Variants in MAGEA8 observed in about 807,000 individuals in gnomAD.
The protein encoded by MAGEA8 is melanoma-associated antigen 8.
For missense variants in MAGEA8, 229 were observed against 251.1 expected, an observed-to-expected ratio of 0.91 and a Z score of 0.59; for synonymous variants, 104 against 102.6, an observed-to-expected ratio of 1.01 and a Z score of -0.08.
At chrX:149,884,017 C>A (rs782679927) in intron 1 of MAGEA8, 56 bp from the exon 2 acceptor site, 10 of 364,400 alleles carry the variant, frequency 2.7e-5, no homozygotes, top group African/African-American at 5.1e-5. Flanking sequence ...AGTCCTGGAG[C>A]CTTGGCCTTT....
At position 149,884,335 on chromosome X, in the gene MAGEA8, G is replaced by A; in HGVS notation, c.63G>A (p.Glu21=). The change falls in exon 3 of 3, where the codon GAG becomes GAA. Residue 21 remains glutamate, a synonymous_variant. Coordinates refer to ENST00000286482, the MANE Select transcript of MAGEA8 (RefSeq NM_005364.5). ...KAEEGLQAQG[E]APGLMDVQIP... is the part of the protein sequence containing the mutation. Reference sequence around the variant, plus strand: ...AGGAAGGCCTTCAGGCCCAAGGAGAGGCACCAGGGCTTATGGATGTGCAGA... The same window carrying A: ...AGGAAGGCCTTCAGGCCCAAGGAGAAGCACCAGGGCTTATGGATGTGCAGA... The A allele has an allele frequency of 1.7e-6, 2 of 1,208,208 alleles. No individual in the cohort carries two copies. The highest frequency in any genetic ancestry group is 1.1e-6 in the Non-Finnish European group (1 of 893,589).
chrX:149,884,414 G>A lies in MAGEA8; in HGVS notation c.142G>A (p.Gly48Arg). 8.3e-7 allele frequency: 1 copy of A among 1,210,996 alleles called. No homozygotes were observed. Among genetic ancestry groups the A allele is most frequent in the Non-Finnish European group, 1.1e-6 (1 of 894,924 alleles). ...AASSSSTLIM[G>R]TLEEVTDSGS... The stretch of plus-strand genomic sequence containing the variant: ...ATCCTCCTCCTCTACTCTGATCATG[G>A]GAACCCTTGAGGAGGTGACTGATTC... The change falls in exon 3 of 3, where the codon GGA (glycine) becomes AGA (arginine). Residue 48 changes from glycine to arginine, a missense_variant. Gly to Arg is a moderately radical substitution (Grantham distance 125). Coordinates refer to ENST00000286482, the MANE Select transcript of MAGEA8 (RefSeq NM_005364.5).
In MAGEA8 at chrX:149,885,514, A is replaced by G; in HGVS notation, c.*285A>G. 2.9e-6 allele frequency: 1 copy of G among 341,212 alleles called. No individual in the cohort carries two copies. The highest frequency in any genetic ancestry group is 5.2e-5 in the Admixed American group (1 of 19,219). 28.1% of individuals were successfully genotyped at this position (341,212 alleles called of 1,213,427 possible). A position where few individuals can be genotyped will look rare whatever the true frequency, so the allele number is the denominator to read the frequency against. On this transcript the variant is annotated 3_prime_UTR_variant, in exon 3 of 3. Transcript: ENST00000286482. ...GTTCCTTCTAATGGATGGTGTAATG[A>G]ACTTCAACATTCATTTTATGTATGA...
chrX:149,884,952 C>A lies in MAGEA8; in HGVS notation c.680C>A (p.Ala227Glu), dbSNP rs782296415. The change falls in exon 3 of 3, where the codon GCG (alanine) becomes GAG (glutamate). Residue 227 changes from alanine to glutamate, a missense_variant. Physicochemically the swap from Ala to Glu is moderately radical, Grantham distance 107 (BLOSUM62 -1). Coordinates refer to ENST00000286482, the MANE Select transcript of MAGEA8 (RefSeq NM_005364.5). ...GCCCCGGAGGAGGCAATCTGGGAAGCGTTGAGTGTGATGGGGCTGTATGAT... is the reference window on the plus strand; with the variant it reads ...GCCCCGGAGGAGGCAATCTGGGAAGAGTTGAGTGTGATGGGGCTGTATGAT... ...SRAPEEAIWE[A>E]LSVMGLYDGR... 7.4e-6 allele frequency: 9 copies of A among 1,210,393 alleles called. No individual in the cohort carries two copies. The South Asian group carries it at 1.4e-4, about 19-fold the overall frequency.
Position 149,882,225 on chromosome X carries a change from G to A in MAGEA8, c.-126+940G>A, listed in dbSNP as rs926713448. Among the ~76,000 whole-genome samples, 8 of 110,983 alleles carry A rather than the reference G, an allele frequency of 7.2e-5. No individual in the cohort carries two copies. In the Admixed American group the frequency reaches 7.6e-4, roughly 10 times the overall value. ...AAGGGATGTGGCCCCCCCACTTTCT[G>A]GTAGGGGGCCTCAAGGAGATGGTGG... is the stretch of plus-strand genomic sequence containing the variant. On this transcript the variant is annotated intron_variant, in intron 1 of 2. Transcript: ENST00000286482.
Position 149,884,280 on chromosome X carries a change from T to C in MAGEA8, c.8T>C (p.Leu3Pro), listed in dbSNP as rs782294702. The C allele has an allele frequency of 8.4e-7, 1 of 1,191,372 alleles. No individual in the cohort carries two copies. Among genetic ancestry groups the C allele is most frequent in the East Asian group, 3.0e-5 (1 of 33,790 alleles). The change falls in exon 3 of 3, where the codon CTT becomes CCT. Residue 3 changes from leucine to proline, a missense_variant. Leu to Pro is a moderately conservative substitution (Grantham distance 98). Transcript: ENST00000286482. ...GCCCTGACCTGAGTCATCATGCTTC[T>C]TGGGCAGAAGAGTCAGCGCTACAAG... is the stretch of plus-strand genomic sequence containing the variant. MLLGQKSQRYKAE... is the reference protein window; with the variant it reads MLPGQKSQRYKAE...
rs1557371013 is a variant in MAGEA8, at chrX:149,884,980, G to A, written c.708G>A (p.Gly236=). 8.3e-7 allele frequency: 1 copy of A among 1,209,417 alleles called. No individual in the cohort carries two copies. Among genetic ancestry groups the A allele is most frequent in the Non-Finnish European group, 1.1e-6 (1 of 894,241 alleles). ...EALSVMGLYD[G]REHSVYWKLR... Reference sequence around the variant, plus strand: ...TGAGTGTGATGGGGCTGTATGATGGGAGGGAGCACAGTGTCTATTGGAAGC... The same window carrying A: ...TGAGTGTGATGGGGCTGTATGATGGAAGGGAGCACAGTGTCTATTGGAAGC... Residue 236 remains glycine, a synonymous_variant, in exon 3 of 3, where the codon GGG becomes GGA. Transcript: ENST00000286482.
intron 1 of MAGEA8, among the ~76,000 whole-genome samples, chrX:149,881,655 C>T (rs2090730185): frequency 9.8e-6 from 1 of 102,178 alleles, no homozygotes; most frequent in Admixed American, 1.0e-4. Flanking sequence ...GCATGGCGGC[C>T]GGGCATGGCG....
Position 149,884,454 on chromosome X carries a change from C to A in MAGEA8, c.182C>A (p.Pro61His). 8.3e-7 allele frequency: 1 copy of A among 1,211,287 alleles called. No homozygotes were observed. Among genetic ancestry groups the A allele is most frequent in the Non-Finnish European group, 1.1e-6 (1 of 895,181 alleles). Reference sequence around the variant, plus strand: ...GTGACTGATTCTGGGTCACCAAGTCCTCCCCAGAGTCCTGAGGGTGCCTCC... The same window carrying A: ...GTGACTGATTCTGGGTCACCAAGTCATCCCCAGAGTCCTGAGGGTGCCTCC... Reference protein sequence around the residue: ...EEVTDSGSPSPPQSPEGASSS... With the variant: ...EEVTDSGSPSHPQSPEGASSS... The change falls in exon 3 of 3, where the codon CCT becomes CAT. Residue 61 changes from proline (P) to histidine (H), a missense_variant. Pro to His is a moderately conservative substitution (Grantham distance 77, BLOSUM62 -2). Transcript: ENST00000286482.
At chrX:149,883,905 A>T in intron 1 of MAGEA8, 168 bp from the exon 2 acceptor site, 2 of 157,864 alleles carry the variant, frequency 1.3e-5, no homozygotes, top group Non-Finnish European at 1.2e-5. Flanking sequence ...CAGTAGTAGC[A>T]GTCAAGCTGA....
At position 149,884,443 on chromosome X, in the gene MAGEA8, G is replaced by A. The variant is rs2090748540; in HGVS notation, c.171G>A (p.Gly57=). ...MGTLEEVTDS[G]SPSPPQSPEG... ...CCCTTGAGGAGGTGACTGATTCTGGGTCACCAAGTCCTCCCCAGAGTCCTG... is the reference window on the plus strand; with the variant it reads ...CCCTTGAGGAGGTGACTGATTCTGGATCACCAAGTCCTCCCCAGAGTCCTG... The change falls in exon 3 of 3, where the codon GGG becomes GGA. Residue 57 remains glycine (G), a synonymous_variant. Coordinates refer to ENST00000286482, the MANE Select transcript of MAGEA8 (RefSeq NM_005364.5). 6.6e-6 allele frequency: 8 copies of A among 1,211,209 alleles called. 1 individual carries two copies. In the Middle Eastern group the frequency reaches 1.8e-3, roughly 280 times the overall value.
intron 1 of MAGEA8, among the ~76,000 whole-genome samples, chrX:149,882,078 G>A (rs1232177304): frequency 2.7e-5 from 3 of 110,803 alleles, no homozygotes; most frequent in African/African-American, 9.9e-5. Flanking sequence ...GAGGAGTGGA[G>A]TCTCAGATCA....
chrX:149,883,089 G>T (rs1557370715), intron 1 of MAGEA8: 2 of 112,076 alleles, frequency 1.8e-5, no homozygotes. Context: ...AAACAGATGG[G>T]GGCCCAACAG....
At chrX:149,881,605 G>GGCATGGCGGCCGGGCATGGCGGCCGA (rs2090728827) in intron 1 of MAGEA8, among the ~76,000 whole-genome samples, 1 of 69,771 alleles carries the variant, frequency 1.4e-5, no homozygotes, top group Non-Finnish European at 3.2e-5. Flanking sequence ...ATGGCGGCCG[G>GGCATGGCGGCCGGGCATGGCGGCCGA]GCATGGCGGC....
chrX:149,883,787 T>C (rs1452351621), intron 1 of MAGEA8: 1 of 115,268 alleles, frequency 8.7e-6, no homozygotes, highest in African/African-American at 3.2e-5. Flanking sequence ...GTGCTTGCAG[T>C]CTGCAGCCTG....
rs782489858 is a variant in MAGEA8, at chrX:149,885,445, C to T, written c.*216C>T. On this transcript the variant is annotated 3_prime_UTR_variant, in exon 3 of 3. Coordinates refer to ENST00000286482, the MANE Select transcript of MAGEA8 (RefSeq NM_005364.5). Reference sequence around the variant, plus strand: ...ATCTCTCAGTTCCTGTTCTATTGGGCGATTTGGAGGTTTATCTTTGTTTCC... The same window carrying T: ...ATCTCTCAGTTCCTGTTCTATTGGGTGATTTGGAGGTTTATCTTTGTTTCC... The T allele has an allele frequency of 1.7e-5, 6 of 360,268 alleles. No homozygotes were observed. The highest frequency in any genetic ancestry group is 1.1e-4 in the South Asian group (1 of 9,371). 29.7% of individuals were successfully genotyped at this position (360,268 alleles called of 1,213,427 possible).
chrX:149,884,840 G>T lies in MAGEA8; in HGVS notation c.568G>T (p.Asp190Tyr). 8.3e-7 allele frequency: 1 copy of T among 1,211,277 alleles called. No homozygotes were observed. Among genetic ancestry groups the T allele is most frequent in the South Asian group, 1.8e-5 (1 of 56,858 alleles). ...ILVTCLGLSY[D>Y]GLLGDDQSTP... ...TGTCACCTGCCTGGGCCTCTCCTAT[G>T]ATGGCCTGCTGGGTGATGATCAGAG... The change falls in exon 3 of 3, where the codon GAT becomes TAT. Residue 190 changes from aspartate (D) to tyrosine (Y), a missense_variant. Asp to Tyr is a radical substitution (Grantham distance 160). Transcript: ENST00000286482.
chrX:149,882,722 GT>G (rs1557370688), intron 1 of MAGEA8, among the ~76,000 whole-genome samples: 1 of 111,054 alleles, frequency 9.0e-6, no homozygotes, highest in Non-Finnish European at 1.9e-5. Context: ...GGTCTTGGTG[GT>G]AAGGGGAGAT....
In MAGEA8 at chrX:149,884,531, T is replaced by A. The variant is rs200352049; in HGVS notation, c.259T>A (p.Ser87Thr). Residue 87 changes from serine (S) to threonine (T), a missense_variant, in exon 3 of 3, where the codon TCC becomes ACC. By Grantham distance (58) the Ser-to-Thr change is moderately conservative. Coordinates refer to ENST00000286482, the MANE Select transcript of MAGEA8 (RefSeq NM_005364.5). ...TCTGTGGAGCCAATCCGATGAGGGT[T>A]CCAGCAGCAATGAAGAGGAGGGGCC... ...STLWSQSDEG[S>T]SSNEEEGPST... 6 of 1,209,893 alleles carry A rather than the reference T, an allele frequency of 5.0e-6. No individual in the cohort carries two copies. The East Asian group carries it at 1.8e-4, about 36-fold the overall frequency.
Sources: allele counts gnomAD v4.1 joint callset (sites outside exome capture counted in the v4.1 genomes callset), GRCh38; gene constraint gnomAD v4.1.1; transcripts MANE v1.5; gene names NCBI Gene and HGNC (gene_info 2026-07-23, HGNC 2026-07-21).